Variants in DCAF8L2 observed in about 807,000 individuals in gnomAD.
The protein encoded by DCAF8L2 is DDB1- and CUL4-associated factor 8-like protein 2.
For synonymous variants in DCAF8L2, 200 were observed against 190.9 expected, an observed-to-expected ratio of 1.05 and a Z score of -0.39; for missense variants, 430 against 490.7, an observed-to-expected ratio of 0.88 and a Z score of 1.17.
At chrX:27,587,866 T>C (rs1196906854), upstream of DCAF8L2, among the ~76,000 whole-genome samples, 10 of 108,757 alleles carry the variant, frequency 9.2e-5, no homozygotes, top group Non-Finnish European at 1.5e-4. Flanking sequence ...TCATCCAGCA[T>C]GTCCTTAGGG....
chrX:27,500,027 A>C, the DCAF8L2 span, among the ~76,000 whole-genome samples: 4 of 111,963 alleles, frequency 3.6e-5, no homozygotes, highest in South Asian at 3.7e-4. Flanking sequence ...TACCATATGC[A>C]GGAAATCTTG....
Position 27,593,913 on chromosome X carries a change from C to G in DCAF8L2, c.-342+3473C>G, listed in dbSNP as rs1273505293. Among the ~76,000 whole-genome samples, 5 of 111,926 alleles carry G rather than the reference C, an allele frequency of 4.5e-5. No individual in the cohort carries two copies. The South Asian group carries it at 1.5e-3, about 33-fold the overall frequency. ...AACAAAATGTGTAAAATGGTGCTAC[C>G]ATTTATTCATTAAAAAAGCTTGAAA... On this transcript the variant is annotated intron_variant, in intron 1 of 4. Coordinates refer to ENST00000451261, the MANE Select transcript of DCAF8L2 (RefSeq NM_001353450.2).
intron 2 of DCAF8L2, among the ~76,000 whole-genome samples, chrX:27,660,410 G>GTT (rs371602471): frequency 1.7e-3 from 190 of 109,379 alleles, no homozygotes; most frequent in African/African-American, 6.0e-3. Context: ...AGGTTTTTGT[G>GTT]TTTTTTTTTG....
chrX:27,698,203 C>A (rs1215315571), intron 3 of DCAF8L2, among the ~76,000 whole-genome samples: 1 of 111,191 alleles, frequency 9.0e-6, no homozygotes, highest in Non-Finnish European at 1.9e-5. Context: ...AATATTGAGG[C>A]ATGAAATGCA....
At chrX:27,480,651 T>C in the DCAF8L2 span, among the ~76,000 whole-genome samples, 1 of 111,940 alleles carries the variant, frequency 8.9e-6, no homozygotes, top group Non-Finnish European at 1.9e-5. Flanking sequence ...CACTGTTACT[T>C]CCCTAGACTT....
At chrX:27,541,161 G>A in the DCAF8L2 span, among the ~76,000 whole-genome samples, 1 of 111,101 alleles carries the variant, frequency 9.0e-6, no homozygotes, top group East Asian at 2.8e-4. Context: ...TCAGAATGAA[G>A]ACCCAAAGGC....
intron 2 of DCAF8L2, among the ~76,000 whole-genome samples, chrX:27,676,330 A>T (rs1930138541): frequency 8.9e-6 from 1 of 112,060 alleles, no homozygotes; most frequent in East Asian, 2.8e-4. Context: ...CTTGAATAGC[A>T]ATTTAAAGTG....
intron 2 of DCAF8L2, among the ~76,000 whole-genome samples, chrX:27,643,697 C>T (rs760210251): frequency 9.0e-6 from 1 of 111,636 alleles, no homozygotes; most frequent in Non-Finnish European, 1.9e-5. Flanking sequence ...CTTGAGATTA[C>T]GTTGTGACTT....
chrX:27,484,164 C>CT, the DCAF8L2 span, among the ~76,000 whole-genome samples: 3 of 111,650 alleles, frequency 2.7e-5, no homozygotes, highest in Non-Finnish European at 5.7e-5. Flanking sequence ...CATTACTTGT[C>CT]TATCAGTTAC....
At chrX:27,481,671 C>T in the DCAF8L2 span, among the ~76,000 whole-genome samples, 7 of 110,802 alleles carry the variant, frequency 6.3e-5, no homozygotes, top group African/African-American at 1.6e-4. Flanking sequence ...GGTCAGGTAA[C>T]GGAAGGTGAC....
intron 3 of DCAF8L2, among the ~76,000 whole-genome samples, chrX:27,685,795 A>C (rs1190972208): frequency 8.9e-6 from 1 of 111,879 alleles, no homozygotes; most frequent in Admixed American, 9.5e-5. Context: ...GTGAAAAGAC[A>C]ACCTACAGGA....
At chrX:27,718,664 T>G (rs1488245731) in intron 4 of DCAF8L2, among the ~76,000 whole-genome samples, 1 of 111,885 alleles carries the variant, frequency 8.9e-6, no homozygotes, top group African/African-American at 3.2e-5. Flanking sequence ...CCAGCCTTTC[T>G]GAGAACAAGA....
At chrX:27,663,818 CT>C (rs1472755733) in intron 2 of DCAF8L2, among the ~76,000 whole-genome samples, 1 of 108,588 alleles carries the variant, frequency 9.2e-6, no homozygotes, top group African/African-American at 3.4e-5. Context: ...TTGTCTCAGC[CT>C]CCCGAGTAGC....
At chrX:27,679,623 C>G (rs1473261635) in intron 3 of DCAF8L2, among the ~76,000 whole-genome samples, 1 of 111,090 alleles carries the variant, frequency 9.0e-6, no homozygotes, top group Non-Finnish European at 1.9e-5. Flanking sequence ...GTGAGCTGAT[C>G]CAGAGCTCCT....
At chrX:27,606,356 G>T (rs747626616) in intron 1 of DCAF8L2, among the ~76,000 whole-genome samples, 4 of 27,166 alleles carry the variant, frequency 1.5e-4, no homozygotes, top group African/African-American at 6.5e-4. Flanking sequence ...TATATATCTA[G>T]GAATATATAT....
At chrX:27,721,502 TTTAGGATTGAAACACA>T (rs1168754207) in intron 4 of DCAF8L2, among the ~76,000 whole-genome samples, 1 of 111,644 alleles carries the variant, frequency 9.0e-6, no homozygotes, top group East Asian at 2.8e-4. Context: ...AATTTTTTAG[TTTAGGATTGAAACACA>T]AAGCAAACCT....
chrX:27,569,721 T>C, the DCAF8L2 span, among the ~76,000 whole-genome samples: 1 of 111,873 alleles, frequency 8.9e-6, no homozygotes, highest in African/African-American at 3.2e-5. Flanking sequence ...TGACTTAAAA[T>C]GTGAATGGGT....
At chrX:27,646,305 C>A (rs1332598642) in intron 2 of DCAF8L2, among the ~76,000 whole-genome samples, 1 of 111,688 alleles carries the variant, frequency 9.0e-6, no homozygotes, top group East Asian at 2.8e-4. Context: ...CAAAAACAAG[C>A]AATGGGGGAA....
chrX:27,532,062 G>GAT, the DCAF8L2 span, among the ~76,000 whole-genome samples: 1,607 of 105,265 alleles, frequency 0.015, 22 homozygotes, highest in Middle Eastern at 0.024. Flanking sequence ...AATTGATATC[G>GAT]ATATATATAT....
Sources: gnomAD v4.1 joint callset for allele counts (sites outside exome capture counted in the v4.1 genomes callset) on GRCh38, gnomAD v4.1.1 for gene constraint, MANE v1.5 for transcripts, NCBI Gene and HGNC (gene_info 2026-07-23, HGNC 2026-07-21) for gene names.